TSPAN5: variants seen among roughly 807,000 people sequenced by gnomAD.
TSPAN5 encodes the protein tetraspanin-5.
TSPAN5 carries 10 observed loss-of-function variants against 37.1 expected under a neutral mutation model. The observed-to-expected ratio is 0.27, with a 90% CI of 0.17 to 0.46. The LOEUF is 0.46. TSPAN5 is among the 20% of genes least tolerant of loss of function. The probability of loss-of-function intolerance (pLI) is 1.00; values close to 1 mark genes in which losing one functional copy is unlikely to be tolerated. For missense variants in TSPAN5, 195 were observed against 326.6 expected (o/e 0.60, Z 3.11); for synonymous variants, 110 against 118.9 (o/e 0.93, Z 0.48).
intron 1 of TSPAN5, among the ~76,000 whole-genome samples, chr4:98,534,610 G>A (rs898570680): frequency 3.3e-5 from 5 of 152,318 alleles, no homozygotes; most frequent in African/African-American, 1.2e-4. Flanking sequence ...AATATTGACA[G>A]TGGGGTGTTA....
chr4:98,496,909 A>G (rs1252945507), intron 2 of TSPAN5, among the ~76,000 whole-genome samples: 1 of 152,154 alleles, frequency 6.6e-6, no homozygotes, highest in African/African-American at 2.4e-5. Context: ...GACTCCCCCA[A>G]ATTCACATTC....
At chr4:98,480,450 T>C (rs1752812499) in intron 4 of TSPAN5, among the ~76,000 whole-genome samples, 1 of 152,196 alleles carries the variant, frequency 6.6e-6, no homozygotes, top group African/African-American at 2.4e-5. Context: ...GGTTCTTAAA[T>C]GGGGCCGGAG....
chr4:98,577,127 A>C (rs1288496220), intron 1 of TSPAN5, among the ~76,000 whole-genome samples: 1 of 152,192 alleles, frequency 6.6e-6, no homozygotes, highest in Non-Finnish European at 1.5e-5. Context: ...ACTGTTTTAT[A>C]TTCTGCTGAA....
chr4:98,543,225 T>C (rs1220455483), intron 1 of TSPAN5, among the ~76,000 whole-genome samples: 1 of 152,194 alleles, frequency 6.6e-6, no homozygotes, highest in Non-Finnish European at 1.5e-5. Flanking sequence ...TCAGTCTTGA[T>C]TTAGTTTGGC....
At chr4:98,609,954 G>C (rs1756142281) in intron 1 of TSPAN5, among the ~76,000 whole-genome samples, 1 of 152,132 alleles carries the variant, frequency 6.6e-6, no homozygotes, top group Non-Finnish European at 1.5e-5. Context: ...TCAAGCAGGA[G>C]GGCTCCTCAT....
At chr4:98,604,725 A>G (rs917719151) in intron 1 of TSPAN5, among the ~76,000 whole-genome samples, 1 of 152,254 alleles carries the variant, frequency 6.6e-6, no homozygotes, top group Admixed American at 6.5e-5. Context: ...AACTACCTTC[A>G]TACCCAAAAA....
At chr4:98,493,071 G>A (rs1753119538) in intron 2 of TSPAN5, among the ~76,000 whole-genome samples, 1 of 152,126 alleles carries the variant, frequency 6.6e-6, no homozygotes, top group South Asian at 2.1e-4. Flanking sequence ...TAGCTACTTG[G>A]GAGGCTGAGG....
At chr4:98,574,473 T>G (rs921168389) in intron 1 of TSPAN5, 3 of 152,246 alleles carry the variant, frequency 2.0e-5, no homozygotes, top group Non-Finnish European at 4.4e-5. Context: ...GCACTAGGTC[T>G]TACAATGAAT....
At chr4:98,575,764 C>G (rs555306272) in intron 1 of TSPAN5, among the ~76,000 whole-genome samples, 8 of 94,378 alleles carry the variant, frequency 8.5e-5, no homozygotes, top group Non-Finnish European at 1.2e-4. Context: ...CTGCGCCCCC[C>G]ACCCCACAAA....
At chr4:98,619,818 C>T (rs888975938) in intron 1 of TSPAN5, among the ~76,000 whole-genome samples, 27 of 152,254 alleles carry the variant, frequency 1.8e-4, no homozygotes, top group Non-Finnish European at 2.6e-4. Flanking sequence ...CAGCGTCTGG[C>T]GAGGCTCATC....
intron 1 of TSPAN5, among the ~76,000 whole-genome samples, chr4:98,606,010 C>T (rs974828231): frequency 4.6e-5 from 7 of 152,174 alleles, no homozygotes; most frequent in Admixed American, 2.0e-4. Flanking sequence ...TGTATGCACA[C>T]GGCACATTTC....
At chr4:98,639,087 A>C (rs1756913164) in intron 1 of TSPAN5, among the ~76,000 whole-genome samples, 1 of 152,196 alleles carries the variant, frequency 6.6e-6, no homozygotes. Context: ...TGGTATACTC[A>C]GTAAGACATG....
Position 98,493,394 on chromosome 4 carries a change from C to T in TSPAN5, c.133-6510G>A, listed in dbSNP as rs182248769. Among the ~76,000 whole-genome samples, 4 of 152,238 alleles carry T rather than the reference C, an allele frequency of 2.6e-5. No homozygotes were observed. The East Asian group carries it at 7.7e-4, about 29-fold the overall frequency. ...CTTCGCAGATAACATCAGAAAATATCCCATGAAGCTGAACCTAACTGGAAC... is the reference window on the plus strand; with the variant it reads ...CTTCGCAGATAACATCAGAAAATATTCCATGAAGCTGAACCTAACTGGAAC... On this transcript the variant is annotated intron_variant, in intron 2 of 7. Coordinates refer to ENST00000305798, the MANE Select transcript of TSPAN5 (RefSeq NM_005723.4).
intron 1 of TSPAN5, among the ~76,000 whole-genome samples, chr4:98,619,042 A>G (rs1007535964): frequency 3.3e-5 from 5 of 152,206 alleles, no homozygotes; most frequent in African/African-American, 1.2e-4. Flanking sequence ...AAACATGATC[A>G]GCCCCATAAA....
chr4:98,635,432 G>A (rs1159328435), intron 1 of TSPAN5, among the ~76,000 whole-genome samples: 2 of 152,210 alleles, frequency 1.3e-5, no homozygotes, highest in African/African-American at 4.8e-5. Context: ...TTTATTGGCT[G>A]ATGTCTTTTA....
At chr4:98,478,321 C>A (rs1206032149) in intron 5 of TSPAN5, among the ~76,000 whole-genome samples, 1 of 152,226 alleles carries the variant, frequency 6.6e-6, no homozygotes, top group African/African-American at 2.4e-5. Flanking sequence ...TTGCCTGGGT[C>A]TCATATTCCA....
At chr4:98,488,045 A>T (rs916850640) in intron 2 of TSPAN5, among the ~76,000 whole-genome samples, 1 of 150,812 alleles carries the variant, frequency 6.6e-6, no homozygotes, top group African/African-American at 2.5e-5. Context: ...CCTTAATAAT[A>T]AAAAAAAATT....
intron 2 of TSPAN5, among the ~76,000 whole-genome samples, chr4:98,501,648 C>T (rs189518774): frequency 1.3e-5 from 2 of 152,202 alleles, no homozygotes; most frequent in East Asian, 3.9e-4. Flanking sequence ...AGTGCAAAGG[C>T]CCTGGGGTTG....
At chr4:98,493,360 G>A (rs1306987693) in intron 2 of TSPAN5, among the ~76,000 whole-genome samples, 1 of 152,082 alleles carries the variant, frequency 6.6e-6, no homozygotes, top group East Asian at 1.9e-4. Flanking sequence ...AGATGTCAAG[G>A]GTACTAGACT....
Sources: gnomAD v4.1 joint callset for allele counts (sites outside exome capture counted in the v4.1 genomes callset) on GRCh38, gnomAD v4.1.1 for gene constraint, MANE v1.5 for transcripts, NCBI Gene and HGNC (gene_info 2026-07-23, HGNC 2026-07-21) for gene names.